AATF: variants seen among roughly 807,000 people sequenced by gnomAD.
AATF encodes protein AATF.
A neutral mutation model predicts 63.7 loss-of-function variants in AATF; 48 were observed. The ratio of observed to expected loss-of-function variants is 0.75; its 90% CI spans 0.60 to 0.96. The LOEUF is 0.96. AATF is among the 40% of genes least tolerant of loss of function. The probability of loss-of-function intolerance (pLI) is 0.00; values close to 1 mark genes in which losing one functional copy is unlikely to be tolerated. For synonymous variants in AATF, 258 were observed against 247.7 expected (o/e 1.04, Z -0.39); for missense variants, 639 against 685.7 (o/e 0.93, Z 0.76).
rs953178512 is a variant in AATF at position 37,036,609 on chromosome 17, A to G, written c.1619+4924A>G. 3.3e-5 allele frequency among the ~76,000 whole-genome samples: 5 copies of G among 152,168 alleles called. 1 individual carries two copies. Among genetic ancestry groups the G allele is most frequent in the African/African-American group, 1.2e-4 (5 of 41,516 alleles). ...CTTCAAGCGATCTATTTTTTTAAAA[A>G]AAAAAACCTTTTAAAATGCAAAGTA... On this transcript the variant is annotated intron_variant, in intron 11 of 11. Coordinates refer to ENST00000619387, the MANE Select transcript of AATF (RefSeq NM_012138.4).
intron 4 of AATF, among the ~76,000 whole-genome samples, chr17:36,977,843 A>T (rs1467585070): frequency 3.9e-5 from 6 of 152,192 alleles, no homozygotes; most frequent in African/African-American, 1.4e-4. Context: ...CTCAGTAGCG[A>T]TGCAGGTTGT....
chr17:36,966,653 T>A (rs946866928), intron 4 of AATF, among the ~76,000 whole-genome samples: 1 of 152,106 alleles, frequency 6.6e-6, no homozygotes, highest in Non-Finnish European at 1.5e-5. Context: ...TTAATAAGAG[T>A]ATAGGATGTA....
At chr17:36,957,680 C>T (rs2070913004) in intron 4 of AATF, among the ~76,000 whole-genome samples, 1 of 152,150 alleles carries the variant, frequency 6.6e-6, no homozygotes, top group South Asian at 2.1e-4. Context: ...TGTTTGGGTT[C>T]TCCTACCTTT....
At chr17:36,968,244 TTTTCTTTTTCTTTCTTTCC>T (rs2071008046) in intron 4 of AATF, among the ~76,000 whole-genome samples, 1 of 145,100 alleles carries the variant, frequency 6.9e-6, no homozygotes, top group East Asian at 2.0e-4. Context: ...TTTTTTTCTT[TTTTCTTTTTCTTTCTTTCC>T]TTCTTTCTTT....
chr17:36,996,827 C>T (rs191827552), intron 8 of AATF, among the ~76,000 whole-genome samples: 1 of 152,302 alleles, frequency 6.6e-6, no homozygotes, highest in Admixed American at 6.5e-5. Flanking sequence ...GTAAGGTGCA[C>T]ATGACTGGCC....
At chr17:37,011,447 G>A (rs2071390093) in intron 8 of AATF, among the ~76,000 whole-genome samples, 1 of 152,208 alleles carries the variant, frequency 6.6e-6, no homozygotes, top group Non-Finnish European at 1.5e-5. Context: ...CGGAGATGGA[G>A]AAAAGTGGAC....
chr17:37,035,659 T>C (rs114836966), intron 11 of AATF, among the ~76,000 whole-genome samples: 4,637 of 130,628 alleles, frequency 0.035, 239 homozygotes, highest in African/African-American at 0.14. Context: ...TGCCTCAGCC[T>C]CCCATTGGTC....
At chr17:36,991,075 T>G (rs1220872615) in intron 8 of AATF, among the ~76,000 whole-genome samples, 3 of 152,342 alleles carry the variant, frequency 2.0e-5, no homozygotes, top group South Asian at 4.1e-4. Context: ...TATAGCTACT[T>G]TGTTGTTGCT....
chr17:36,988,749 G>A, intron 6 of AATF, 29 bp downstream of exon 6: 2 of 1,597,646 alleles, frequency 1.3e-6, no homozygotes, highest in Non-Finnish European at 1.7e-6. Flanking sequence ...GCATGTATGT[G>A]TAAGATAGGT....
chr17:36,982,622 G>T (rs1419118851), intron 4 of AATF, among the ~76,000 whole-genome samples: 1 of 152,178 alleles, frequency 6.6e-6, no homozygotes, highest in East Asian at 1.9e-4. Flanking sequence ...AAAGTACTGG[G>T]ATTACAGGCG....
chr17:36,993,531 C>T (rs2071231270), intron 8 of AATF, among the ~76,000 whole-genome samples: 1 of 152,144 alleles, frequency 6.6e-6, no homozygotes, highest in Non-Finnish European at 1.5e-5. Flanking sequence ...TGTCACTTCC[C>T]AATTAAATTG....
intron 11 of AATF, among the ~76,000 whole-genome samples, chr17:37,032,652 G>A (rs1339822210): frequency 6.6e-6 from 1 of 152,188 alleles, no homozygotes; most frequent in Non-Finnish European, 1.5e-5. Flanking sequence ...ACAGAAGACA[G>A]CCACTTTTAA....
chr17:36,995,286 A>G (rs1294866787), intron 8 of AATF, among the ~76,000 whole-genome samples: 1 of 152,224 alleles, frequency 6.6e-6, no homozygotes, highest in Non-Finnish European at 1.5e-5. Context: ...ACCTTGCCAC[A>G]TGCTGAATTT....
chr17:36,949,815 G>A (rs1383944859), intron 1 of AATF, among the ~76,000 whole-genome samples: 2 of 152,206 alleles, frequency 1.3e-5, no homozygotes, highest in Admixed American at 1.3e-4. Context: ...TGCGAGTGCT[G>A]AACCGTATCT....
At chr17:37,044,692 C>T (rs907071129) in intron 11 of AATF, among the ~76,000 whole-genome samples, 1 of 152,162 alleles carries the variant, frequency 6.6e-6, no homozygotes, top group Non-Finnish European at 1.5e-5. Flanking sequence ...AGAGGAATTT[C>T]GTATTTCAGA....
chr17:37,021,280 A>C (rs1214313863), intron 10 of AATF: 1 of 356,044 alleles, frequency 2.8e-6, no homozygotes, highest in African/African-American at 2.1e-5. Flanking sequence ...AAGAAAACAA[A>C]AGTAAAATAG....
intron 4 of AATF, among the ~76,000 whole-genome samples, chr17:36,975,968 G>C (rs2071077049): frequency 6.6e-6 from 1 of 152,198 alleles, no homozygotes; most frequent in African/African-American, 2.4e-5. Flanking sequence ...TTCAAATTCA[G>C]CAAGTATTGC....
chr17:37,009,834 A>C (rs996331788), intron 8 of AATF, among the ~76,000 whole-genome samples: 6 of 149,884 alleles, frequency 4.0e-5, no homozygotes, highest in East Asian at 2.0e-4. Context: ...AAAAAAAAAA[A>C]AAAAAAAAAA....
chr17:36,989,882 C>T (rs2071199923), intron 7 of AATF, among the ~76,000 whole-genome samples: 1 of 151,968 alleles, frequency 6.6e-6, no homozygotes, highest in South Asian at 2.1e-4. Context: ...TTTATAGCAA[C>T]TTAAAATGAA....
Sources: gnomAD v4.1 joint callset for allele counts (sites outside exome capture counted in the v4.1 genomes callset) on GRCh38, gnomAD v4.1.1 for gene constraint, MANE v1.5 for transcripts, NCBI Gene and HGNC (gene_info 2026-07-23, HGNC 2026-07-21) for gene names.